CRY1: variants seen among roughly 807,000 people sequenced by gnomAD.
CRY1 encodes the protein cryptochrome circadian regulator 1, also known as cryptochrome-1.
CRY1 carries 45 observed loss-of-function variants against 76.0 expected under a neutral mutation model. That is an observed-to-expected ratio of 0.59 (90% CI 0.47 to 0.76). The LOEUF is 0.76. Among genes scored for constraint, CRY1 ranks in the 30% least tolerant of loss-of-function variants. The probability of loss-of-function intolerance (pLI) is 0.00; values close to 1 mark genes in which losing one functional copy is unlikely to be tolerated. For missense variants in CRY1, 587 were observed against 716.4 expected (o/e 0.82, Z 2.06); for synonymous variants, 248 against 244.0 (o/e 1.02, Z -0.15).
At chr12:107,072,585 T>C (rs1953203157) in intron 1 of CRY1, among the ~76,000 whole-genome samples, 1 of 152,190 alleles carries the variant, frequency 6.6e-6, no homozygotes, top group Non-Finnish European at 1.5e-5. Flanking sequence ...GAAGTTACTA[T>C]AAGGCTAACA....
intron 1 of CRY1, among the ~76,000 whole-genome samples, chr12:107,068,171 A>G (rs183784827): frequency 6.6e-6 from 1 of 152,334 alleles, no homozygotes; most frequent in East Asian, 1.9e-4. Flanking sequence ...GAGAGATCAT[A>G]TGGCCTGAAA....
intron 2 of CRY1, among the ~76,000 whole-genome samples, chr12:107,014,107 G>A (rs912944438): frequency 6.6e-6 from 1 of 151,824 alleles, no homozygotes; most frequent in Non-Finnish European, 1.5e-5. Context: ...CTCATTGGAT[G>A]GAGCGTGCTG....
intron 3 of CRY1, among the ~76,000 whole-genome samples, chr12:107,002,490 C>T (rs1287405937): frequency 1.3e-5 from 2 of 152,142 alleles, no homozygotes; most frequent in African/African-American, 4.8e-5. Flanking sequence ...AGCAGATTAA[C>T]ATATTTATAA....
At chr12:107,052,889 C>T (rs1565837563) in intron 1 of CRY1, among the ~76,000 whole-genome samples, 1 of 152,280 alleles carries the variant, frequency 6.6e-6, no homozygotes, top group East Asian at 1.9e-4. Flanking sequence ...AAGGGCTCTG[C>T]CTTTTACTCT....
chr12:107,056,360 A>T (rs1952982038), intron 1 of CRY1, among the ~76,000 whole-genome samples: 1 of 152,242 alleles, frequency 6.6e-6, no homozygotes, highest in Non-Finnish European at 1.5e-5. Flanking sequence ...GCCAGCCCTT[A>T]GGTGGATTTT....
chr12:107,019,927 CA>C (rs1952535662), intron 2 of CRY1, among the ~76,000 whole-genome samples: 1 of 150,730 alleles, frequency 6.6e-6, no homozygotes, highest in South Asian at 2.1e-4. Flanking sequence ...TCCCCAGCAC[CA>C]AACAAAAAAA....
intron 1 of CRY1, among the ~76,000 whole-genome samples, chr12:107,062,299 A>C (rs976674086): frequency 6.6e-6 from 1 of 152,156 alleles, no homozygotes. Context: ...AAGATGAAAC[A>C]ATTTTCACTT....
intron 1 of CRY1, among the ~76,000 whole-genome samples, chr12:107,036,261 T>G (rs555508527): frequency 6.6e-6 from 1 of 152,324 alleles, no homozygotes; most frequent in South Asian, 2.1e-4. Flanking sequence ...GTGAATTGGA[T>G]ATTGGTGAAC....
At chr12:107,026,769 G>GTTTTTT (rs66881305) in intron 1 of CRY1, among the ~76,000 whole-genome samples, 1 of 134,196 alleles carries the variant, frequency 7.5e-6, no homozygotes, top group African/African-American at 2.8e-5. Context: ...AATAATTCCT[G>GTTTTTT]TTTTTTTTTT....
At chr12:106,996,690 T>G (rs780325666) in intron 10 of CRY1, among the ~76,000 whole-genome samples, 4 of 152,246 alleles carry the variant, frequency 2.6e-5, no homozygotes, top group Non-Finnish European at 5.9e-5. Flanking sequence ...TATTTTTTAA[T>G]CAAATTACTG....
chr12:107,054,763 C>T lies in CRY1; in HGVS notation c.159-32571G>A, dbSNP rs181230963. On this transcript the variant is annotated intron_variant, in intron 1 of 12. Coordinates refer to ENST00000008527, the MANE Select transcript of CRY1 (RefSeq NM_004075.5). The stretch of plus-strand genomic sequence containing the variant: ...TGTAAAGAAATATACTATAAAGTCA[C>T]GTTCATAATGACTTTAACCAGGTTA... Among the ~76,000 whole-genome samples, 98 of 151,652 alleles carry T rather than the reference C, an allele frequency of 6.5e-4. No individual in the cohort carries two copies. In the East Asian group the frequency reaches 0.014, roughly 22 times the overall value.
At chr12:107,048,718 C>T (rs540693370) in intron 1 of CRY1, among the ~76,000 whole-genome samples, 1 of 152,326 alleles carries the variant, frequency 6.6e-6, no homozygotes, top group Non-Finnish European at 1.5e-5. Flanking sequence ...TATCCACTGA[C>T]TTGTTAACTT....
At chr12:107,053,455 T>C (rs966985206) in intron 1 of CRY1, among the ~76,000 whole-genome samples, 2 of 152,164 alleles carry the variant, frequency 1.3e-5, no homozygotes, top group Non-Finnish European at 2.9e-5. Flanking sequence ...TAGCTGGGAT[T>C]ACAGGCATGT....
At chr12:107,056,975 G>A (rs1243809709) in intron 1 of CRY1, among the ~76,000 whole-genome samples, 1 of 151,874 alleles carries the variant, frequency 6.6e-6, no homozygotes, top group African/African-American at 2.4e-5. Flanking sequence ...TCCAAAAGAT[G>A]TCACTAAAAA....
intron 1 of CRY1, among the ~76,000 whole-genome samples, chr12:107,048,137 A>AT (rs1302469703): frequency 1.3e-5 from 2 of 151,804 alleles, no homozygotes; most frequent in Non-Finnish European, 1.5e-5. Flanking sequence ...CTGGAGTGCA[A>AT]TGGCATTATC....
At chr12:106,992,922 G>A (rs1952195564) in intron 11 of CRY1, 32 bp from the exon 12 acceptor site, 3 of 1,613,688 alleles carry the variant, frequency 1.9e-6, no homozygotes, top group Non-Finnish European at 2.5e-6. Context: ...GTTTAAGATA[G>A]GAAAAGGAAA....
rs1395671191 is a variant in CRY1, at chr12:107,061,983, GC to G, written c.158+30820del. Among the ~76,000 whole-genome samples the G allele has an allele frequency of 2.2e-5, 3 of 135,892 alleles. No individual in the cohort carries two copies. The Admixed American group carries it at 2.4e-4, about 11-fold the overall frequency. 89.2% of individuals were successfully genotyped at this position (135,892 alleles called of 152,430 possible). ...GGCGGATGCAGTGAGCCAAGGTTGTGCCACTGCACTCCAGCCTGGACAACAG... is the reference window on the plus strand; with the variant it reads ...GGCGGATGCAGTGAGCCAAGGTTGTGCACTGCACTCCAGCCTGGACAACAG... On this transcript the variant is annotated intron_variant, in intron 1 of 12. Coordinates refer to ENST00000008527, the MANE Select transcript of CRY1 (RefSeq NM_004075.5).
chr12:106,993,640 C>T (rs917150290), intron 10 of CRY1, among the ~76,000 whole-genome samples: 1 of 151,970 alleles, frequency 6.6e-6, no homozygotes, highest in Non-Finnish European at 1.5e-5. Flanking sequence ...GCATTCTGGA[C>T]CTATCCACGA....
At chr12:107,003,379 GA>G (rs1230847965) in intron 3 of CRY1, among the ~76,000 whole-genome samples, 1 of 152,178 alleles carries the variant, frequency 6.6e-6, no homozygotes, top group Non-Finnish European at 1.5e-5. Context: ...AATGACAGGT[GA>G]AATCCAACTC....
Sources: gnomAD v4.1 joint callset for allele counts (sites outside exome capture counted in the v4.1 genomes callset) on GRCh38, gnomAD v4.1.1 for gene constraint, MANE v1.5 for transcripts, NCBI Gene and HGNC (gene_info 2026-07-23, HGNC 2026-07-21) for gene names.